Variants in GP2 observed in about 807,000 individuals in gnomAD.
GP2 encodes pancreatic secretory granule membrane major glycoprotein GP2.
Under a neutral mutation model 60.8 loss-of-function variants are expected in GP2, and 58 were observed. The ratio of observed to expected loss-of-function variants is 0.95; its 90% confidence interval spans 0.77 to 1.19. The LOEUF is 1.19. Ranked by LOEUF, GP2 falls within the 50% of genes most tolerant of loss-of-function variation. GP2 has a pLI of 0.00. For synonymous variants in GP2, 280 were observed against 253.4 expected (o/e 1.10, Z -1.00); for missense variants, 647 against 667.4 (o/e 0.97, Z 0.34).
intron 2 of GP2, among the ~76,000 whole-genome samples, chr16:20,325,008 C>T (rs370721738): frequency 2.3e-4 from 35 of 152,358 alleles, no homozygotes; most frequent in African/African-American, 8.2e-4. Context: ...TCTTGGGGGG[C>T]ATCGCCCCCA....
At chr16:20,322,839 T>C (rs766307463) in intron 4 of GP2, 30 bp downstream of exon 4, 2 of 1,191,284 alleles carry the variant, frequency 1.7e-6, no homozygotes, top group Admixed American at 3.4e-5. Flanking sequence ...CCCCTCAGGA[T>C]GGTAGTTACT....
intron 9 of GP2, among the ~76,000 whole-genome samples, chr16:20,314,912 G>A (rs1964113228): frequency 6.6e-6 from 1 of 152,190 alleles, no homozygotes; most frequent in African/African-American, 2.4e-5. Context: ...ACAGATTTGT[G>A]AGGAAAGTAT....
At chr16:20,318,099 T>C (rs1964240934) in intron 7 of GP2, 86 bp downstream of exon 7, 2 of 1,102,034 alleles carry the variant, frequency 1.8e-6, no homozygotes, top group Non-Finnish European at 2.8e-6. Context: ...GTAGTACAAC[T>C]TACACGTCTG....
In GP2 at chr16:20,317,333, A is replaced by G. The variant is rs1219922458; in HGVS notation, c.1296T>C (p.Asn432=). ...AGAACCGGCTTTCCGAGGACTGCCC[A>G]TTCTCCTCCACGTGGATGGTGGAAT... The part of the protein sequence containing the change: ...QRDSTIHVEE[N]GQSSESRFSV... Residue 432 remains asparagine, a synonymous_variant, in exon 8 of 11, where the codon AAT becomes AAC. Transcript: ENST00000302555. 1.9e-6 allele frequency: 3 copies of G among 1,613,636 alleles called. No individual in the cohort carries two copies. The highest frequency in any genetic ancestry group is 1.1e-5 in the South Asian group (1 of 91,072).
rs767546535 is a variant in GP2, at chr16:20,322,857, T to G, written c.646+12A>C. 6.9e-7 allele frequency: 1 copy of G among 1,444,242 alleles called. No individual in the cohort carries two copies. Among genetic ancestry groups the G allele is most frequent in the South Asian group, 1.1e-5 (1 of 87,394 alleles). 89.5% of individuals were successfully genotyped at this position (1,444,242 alleles called of 1,614,324 possible). Reference sequence around the variant, plus strand: ...CTCAGGATGGTAGTTACTTGCCCAGTGAGCAGCTCACCAGAACTATTGAGG... The same window carrying G: ...CTCAGGATGGTAGTTACTTGCCCAGGGAGCAGCTCACCAGAACTATTGAGG... On this transcript the variant is annotated intron_variant, in intron 4 of 10. Transcript: ENST00000302555.
In GP2 at chr16:20,309,979, T is replaced by G. The variant is rs1409318165; in HGVS notation, c.*1244A>C. On this transcript the variant is annotated 3_prime_UTR_variant, in exon 11 of 11. Transcript: ENST00000302555. ...TCCTGATGTGTCTCTGAGGCCAACT[T>G]TGCGAGGCCTTATCTGTAGCTGTGG... is the stretch of plus-strand genomic sequence containing the variant. 1 of 152,180 alleles carries G rather than the reference T, an allele frequency of 6.6e-6. No individual in the cohort carries two copies. Among genetic ancestry groups the G allele is most frequent in the African/African-American group, 2.4e-5 (1 of 41,424 alleles). The allele number at this position is 152,180 out of a possible 1,614,324, so 9.4% of individuals were successfully genotyped here.
At chr16:20,318,528 C>T (rs943045291) in intron 6 of GP2, 98 bp from the exon 7 acceptor site, 1 of 1,096,770 alleles carries the variant, frequency 9.1e-7, no homozygotes, top group Non-Finnish European at 1.3e-6. Flanking sequence ...GGACACACAT[C>T]TTGGATCCTT....
Position 20,319,677 on chromosome 16 carries a change from C to T in GP2, c.950G>A (p.Cys317Tyr), listed in dbSNP as rs769618252. The change falls in exon 6 of 11, where the codon TGT (cysteine) becomes TAT (tyrosine). Residue 317 changes from cysteine (C) to tyrosine (Y), a missense_variant. Cys to Tyr is a radical substitution (Grantham distance 194). Coordinates refer to ENST00000302555, the MANE Select transcript of GP2 (RefSeq NM_001502.4). ...RDTILNINFQ[C>Y]AYPLDMKVSL... ...GACTTTCATGTCCAGTGGGTAGGCA[C>T]ATTGGAAGTTGATGTTGAGGATGGT... The T allele has an allele frequency of 6.2e-7, 1 of 1,610,618 alleles. No homozygotes were observed. The highest frequency in any genetic ancestry group is 2.2e-5 in the East Asian group (1 of 44,862).
intron 2 of GP2, among the ~76,000 whole-genome samples, chr16:20,324,756 T>A (rs1003757567): frequency 6.6e-6 from 1 of 152,252 alleles, no homozygotes; most frequent in African/African-American, 2.4e-5. Flanking sequence ...AGTTTAATTC[T>A]GTGCAACATC....
chr16:20,320,418 C>T lies in GP2; in HGVS notation c.702G>A (p.Lys234=), dbSNP rs569806846. The T allele has an allele frequency of 5.3e-5, 86 of 1,614,110 alleles. 1 individual carries two copies. Among genetic ancestry groups the T allele is most frequent in the Non-Finnish European group, 6.9e-5 (81 of 1,179,942 alleles). The change falls in exon 5 of 11, where the codon AAG becomes AAA. Residue 234 remains lysine (K), a synonymous_variant. Coordinates refer to ENST00000302555, the MANE Select transcript of GP2 (RefSeq NM_001502.4). ...LDCGPREIKV[K]VDKCLLGGLG... is the part of the protein sequence containing the mutation. ...GGCCTCCCAGCAAACATTTGTCCAC[C>T]TTCACCTTGATCTCCCTGGGCCCAC...
chr16:20,318,532 G>A, intron 6 of GP2, 102 bp from the exon 7 acceptor site: 3 of 1,041,182 alleles, frequency 2.9e-6, no homozygotes, highest in Non-Finnish European at 2.9e-6. Context: ...ACACATCTTG[G>A]ATCCTTAAGT....
chr16:20,313,259 C>CCG (rs1204614254), intron 10 of GP2, among the ~76,000 whole-genome samples: 3 of 64,660 alleles, frequency 4.6e-5, no homozygotes, highest in Non-Finnish European at 2.0e-4. Context: ...CTCTGTCTCT[C>CCG]TGTCTCTCTC....
chr16:20,317,306 T>C lies in GP2; in HGVS notation c.1323A>G (p.Ser441=). 6.2e-7 allele frequency: 1 copy of C among 1,613,278 alleles called. No individual in the cohort carries two copies. Among genetic ancestry groups the C allele is most frequent in the Non-Finnish European group, 8.5e-7 (1 of 1,179,238 alleles). Residue 441 remains serine, a synonymous_variant, in exon 8 of 11, where the codon TCA becomes TCG. Transcript: ENST00000302555. ...GTCCAGCAAACATGAACATCTGAAC[T>C]GAGAACCGGCTTTCCGAGGACTGCC... The part of the protein sequence containing the change: ...ENGQSSESRF[S]VQMFMFAGHY...
intron 8 of GP2, among the ~76,000 whole-genome samples, chr16:20,316,387 C>T (rs187188912): frequency 6.6e-6 from 1 of 152,360 alleles, no homozygotes; most frequent in African/African-American, 2.4e-5. Flanking sequence ...AAAATGCCAA[C>T]TATTCACAGG....
chr16:20,323,505 A>G, intron 3 of GP2: 1 of 439,850 alleles, frequency 2.3e-6, no homozygotes, highest in Non-Finnish European at 4.6e-6. Context: ...CCTTTTTTTC[A>G]GATCAGAACA....
intron 10 of GP2, among the ~76,000 whole-genome samples, chr16:20,313,249 C>G (rs1002787835): frequency 3.6e-5 from 3 of 84,476 alleles, no homozygotes; most frequent in African/African-American, 9.3e-5. Flanking sequence ...CTCTCTCTCT[C>G]TCTGTCTCTC....
chr16:20,317,227 C>A lies in GP2; in HGVS notation c.1402G>T (p.Glu468Ter). 1 of 1,612,280 alleles carries A rather than the reference C, an allele frequency of 6.2e-7. No individual in the cohort carries two copies. The highest frequency in any genetic ancestry group is 8.5e-7 in the Non-Finnish European group (1 of 1,179,218). The change falls in exon 8 of 11, where the codon GAA (glutamate) becomes TAA (stop). Residue 468 changes from glutamate (E) to a stop codon, truncating the protein, a stop_gained. Coordinates refer to ENST00000302555, the MANE Select transcript of GP2 (RefSeq NM_001502.4). LOFTEE classifies it high-confidence loss of function. ...CEIHLCDSLN[E>*]QCQPSCSRSQ... is the part of the protein sequence containing the mutation. ...GAGACACTCACAGGCTGGCACTGTT[C>A]ATTAAGAGAATCACAGAGATGAATC...
At position 20,311,284 on chromosome 16, in the gene GP2, G is replaced by C. The variant is rs370638409; in HGVS notation, c.1547-3C>G. On this transcript the variant is annotated splice_region_variant and splice_polypyrimidine_tract_variant and intron_variant, in intron 10 of 10. Transcript: ENST00000302555. Reference sequence around the variant, plus strand: ...CATAGGCCAGGCCACCAGGAACCCTGAAATACAAGAAATATGACTGTCAAG... The same window carrying C: ...CATAGGCCAGGCCACCAGGAACCCTCAAATACAAGAAATATGACTGTCAAG... 1.3e-6 allele frequency: 2 copies of C among 1,576,628 alleles called. No homozygotes were observed. Among genetic ancestry groups the C allele is most frequent in the Non-Finnish European group, 1.7e-6 (2 of 1,146,162 alleles).
intron 8 of GP2, among the ~76,000 whole-genome samples, chr16:20,316,730 C>A (rs998023283): frequency 2.0e-5 from 3 of 151,798 alleles, no homozygotes; most frequent in African/African-American, 4.8e-5. Flanking sequence ...TAGATATGGG[C>A]CTTTAGGAGA....
Sources: allele counts gnomAD v4.1 joint callset (sites outside exome capture counted in the v4.1 genomes callset), GRCh38; gene constraint gnomAD v4.1.1; transcripts MANE v1.5; gene names NCBI Gene and HGNC (gene_info 2026-07-23, HGNC 2026-07-21).